Variants in ERI2 observed in about 807,000 individuals in gnomAD.
ERI2 encodes ERI1 exoribonuclease 2.
Under a neutral mutation model 46.8 loss-of-function variants are expected in ERI2, and 35 were observed. The ratio of observed to expected loss-of-function variants is 0.75; its 90% CI spans 0.57 to 0.99. The LOEUF is 0.99. Ranked by LOEUF, ERI2 falls within the 50% of genes least tolerant of loss-of-function variation. The pLI is 0.00. For synonymous variants in ERI2, 224 were observed against 271.0 expected, an observed-to-expected ratio of 0.83 and a Z score of 1.70; for missense variants, 695 against 796.2, an observed-to-expected ratio of 0.87 and a Z score of 1.53.
chr16:20,803,547 A>G, intron 2 of ERI2, 31 bp from the exon 3 acceptor site: 1 of 1,613,956 alleles, frequency 6.2e-7, no homozygotes, highest in Non-Finnish European at 8.5e-7. Flanking sequence ...CTTATGCTTT[A>G]CCAGTGCTGA....
intron 10 of ERI2, among the ~76,000 whole-genome samples, chr16:20,784,059 A>G (rs2080414796): frequency 6.6e-6 from 1 of 152,078 alleles, no homozygotes; most frequent in African/African-American, 2.4e-5. Flanking sequence ...GCCCACCTCT[A>G]ACTCCCAAAG....
intron 10 of ERI2, among the ~76,000 whole-genome samples, chr16:20,789,184 G>A (rs1248261629): frequency 2.0e-5 from 3 of 152,122 alleles, no homozygotes; most frequent in Non-Finnish European, 4.4e-5. Context: ...GCACAGAGGA[G>A]TGTAATGATT....
At chr16:20,785,235 A>C in intron 10 of ERI2, 1 of 1,320,430 alleles carries the variant, frequency 7.6e-7, no homozygotes, top group East Asian at 2.5e-5. Context: ...TGTTTAAAAA[A>C]ACAATGCTTG....
chr16:20,799,313 T>G lies in ERI2; in HGVS notation c.682A>C (p.Lys228Gln), dbSNP rs753647222. ...DSRNTALLAW[K>Q]MIRDGCVMKI... Reference sequence around the variant, plus strand: ...ATTACACAACCATCTCTGATCATTTTCCAAGCAAGAAGGGCAGTATTCCGA... The same window carrying G: ...ATTACACAACCATCTCTGATCATTTGCCAAGCAAGAAGGGCAGTATTCCGA... The change falls in exon 8 of 9, where the codon AAA (lysine) becomes CAA (glutamine). Residue 228 changes from lysine to glutamine, a missense_variant. Physicochemically the swap from Lys to Gln is moderately conservative, Grantham distance 53. Transcript: ENST00000357967. 9.9e-6 allele frequency: 16 copies of G among 1,613,660 alleles called. No homozygotes were observed. Among genetic ancestry groups the G allele is most frequent in the Admixed American group, 1.7e-5 (1 of 59,988 alleles).
intron 3 of ERI2, 150 bp from the exon 4 acceptor site, chr16:20,803,073 G>A: frequency 2.5e-6 from 2 of 789,082 alleles, no homozygotes; most frequent in African/African-American, 3.5e-5. Flanking sequence ...TGACATAAAG[G>A]TTATAATAAA....
At chr16:20,785,212 A>C in intron 10 of ERI2, 1 of 1,462,782 alleles carries the variant, frequency 6.8e-7, no homozygotes, top group Non-Finnish European at 9.3e-7. Context: ...ATAGGAGTTG[A>C]GTGGTTAGAA....
In ERI2 at chr16:20,797,001, A is replaced by T. The variant is rs1444382212; in HGVS notation, c.*723T>A. The T allele has an allele frequency of 1.2e-6, 2 of 1,605,966 alleles. No homozygotes were observed. Among genetic ancestry groups the T allele is most frequent in the Admixed American group, 3.4e-5 (2 of 58,380 alleles). ...TGTTTCATTAATTACCATATCTATA[A>T]AACAAACATAGTATCTGTCAATCTC... On this transcript the variant is annotated 3_prime_UTR_variant, in exon 9 of 9. Transcript: ENST00000357967.
chr16:20,790,901 T>A lies in ERI2; in HGVS notation c.764A>T (p.Asn255Ile), dbSNP rs749288358. ...CTGGTCCCCTGAGGCCAGATCACTG[T>A]TCCAGGTCCACGAAGGCAAGAGGAA... Residue 255 changes from asparagine (N) to isoleucine (I), a missense_variant, in exon 9 of 11, where the codon AAC becomes ATC. Asn to Ile is a moderately radical substitution (Grantham distance 149). Coordinates refer to the ERI2 transcript ENST00000300005. This position sits in a 1 kb window ranked among gnomAD's most constrained non-coding sequence, Gnocchi z 4.0. 1.5e-5 allele frequency: 24 copies of A among 1,613,946 alleles called. No homozygotes were observed. In the South Asian group the frequency reaches 2.6e-4, roughly 18 times the overall value.
At position 20,799,173 on chromosome 16, in the gene ERI2, T is replaced by C. The variant is rs900990853; in HGVS notation, c.732+90A>G. The C allele has an allele frequency of 3.2e-6, 5 of 1,545,310 alleles. No homozygotes were observed. In the East Asian group the frequency reaches 6.8e-5, roughly 21 times the overall value. ...AAGAGAAATGTCATTGATTTATAAA[T>C]GACTGCACACATTAAATCTACGTTT... On this transcript the variant is annotated intron_variant, in intron 8 of 8. Transcript: ENST00000357967.
In ERI2 at chr16:20,781,784, C is replaced by T. The variant is rs199802576; in HGVS notation, c.895-1050G>A. On this transcript the variant is annotated intron_variant, in intron 10 of 10. Transcript: ENST00000300005. ...CGAATGCTTGTACAGAATGATATAA[C>T]CAGGTAAGAAATGTTAGTAAATAGG... 1.9e-6 allele frequency: 3 copies of T among 1,603,808 alleles called. No homozygotes were observed. The Admixed American group carries it at 5.0e-5, about 27-fold the overall frequency.
intron 9 of ERI2, among the ~76,000 whole-genome samples, chr16:20,789,741 C>T (rs1429792845): frequency 3.2e-5 from 4 of 126,684 alleles, no homozygotes; most frequent in African/African-American, 1.2e-4. Context: ...CTGGAGTGAT[C>T]TCGGCTCACT....
chr16:20,801,815 G>C (rs1457529049), intron 4 of ERI2, among the ~76,000 whole-genome samples: 1 of 151,948 alleles, frequency 6.6e-6, no homozygotes, highest in Non-Finnish European at 1.5e-5. Context: ...GTGGAGTGCA[G>C]TGGCATGATC....
chr16:20,788,032 A>C (rs2080511876), intron 10 of ERI2, among the ~76,000 whole-genome samples: 1 of 152,244 alleles, frequency 6.6e-6, no homozygotes, highest in Non-Finnish European at 1.5e-5. Flanking sequence ...CAGAATGCTT[A>C]GTACATAATA....
chr16:20,797,882 C>T lies in ERI2; in HGVS notation c.1918G>A (p.Glu640Lys), dbSNP rs1413136389. 5 of 1,551,556 alleles carry T rather than the reference C, an allele frequency of 3.2e-6. No individual in the cohort carries two copies. The highest frequency in any genetic ancestry group is 4.4e-6 in the Non-Finnish European group (5 of 1,146,912). ...GCTCTTTCCTTTTGAAGTGTTTGTT[C>T]CCATTTGAAATAACCACAACATTTT... is the stretch of plus-strand genomic sequence containing the variant. Reference protein sequence around the residue: ...NRKCCGYFKWEQTLQKERANS... With the variant: ...NRKCCGYFKWKQTLQKERANS... The change falls in exon 9 of 9, where the codon GAA becomes AAA. Residue 640 changes from glutamate (E) to lysine (K), a missense_variant. Coordinates refer to ENST00000357967, the MANE Select transcript of ERI2 (RefSeq NM_001142725.2).
At position 20,797,432 on chromosome 16, in the gene ERI2, C is replaced by G; in HGVS notation, c.*292G>C. The stretch of plus-strand genomic sequence containing the variant: ...ATAATCTCAAAGTACAAGAATCTAC[C>G]TGAAAATAGACTAGGGATTTTTATT... On this transcript the variant is annotated 3_prime_UTR_variant, in exon 9 of 9. Coordinates refer to ENST00000357967, the MANE Select transcript of ERI2 (RefSeq NM_001142725.2). 9.8e-7 allele frequency: 1 copy of G among 1,022,580 alleles called. No homozygotes were observed. Among genetic ancestry groups the G allele is most frequent in the Non-Finnish European group, 1.2e-6 (1 of 850,886 alleles). 63.3% of individuals were successfully genotyped at this position (1,022,580 alleles called of 1,614,324 possible).
At chr16:20,792,413 C>A (rs566551743), downstream of ERI2, 71 of 1,578,056 alleles carry the variant, frequency 4.5e-5, no homozygotes, top group Admixed American at 1.2e-3. Context: ...CTCAGTGAAA[C>A]AGAATTAACC....
intron 10 of ERI2, chr16:20,781,105 G>A (rs1042186936): frequency 9.9e-6 from 16 of 1,613,862 alleles, no homozygotes; most frequent in Non-Finnish European, 1.1e-5. Flanking sequence ...CATTTACCCC[G>A]TTTTGAGCCG....
Position 20,798,943 on chromosome 16 carries a change from AT to A in ERI2, c.856del (p.Ile286Ter), listed in dbSNP as rs1415373101. 3 of 1,550,978 alleles carry A rather than the reference AT, an allele frequency of 1.9e-6. No homozygotes were observed. In the African/African-American group the frequency reaches 4.1e-5, roughly 21 times the overall value. ...TTGAACTTTTTCATGAGGATTTATT[AT>A]ATTTTTAGGCTCCTTATTATATATG... ...PSIYNKEPKN[I>X]INPHEKVQMK... On this transcript the variant is annotated frameshift_variant, in exon 9 of 9. Transcript: ENST00000357967. LOFTEE classifies it low-confidence loss of function (END_TRUNC).
chr16:20,791,972 C>T, downstream of ERI2: 1 of 1,609,870 alleles, frequency 6.2e-7, no homozygotes, highest in Non-Finnish European at 8.5e-7. Flanking sequence ...TTGGATTCAC[C>T]ATAACAACAA....
Sources: allele counts gnomAD v4.1 joint callset (sites outside exome capture counted in the v4.1 genomes callset), GRCh38; gene constraint gnomAD v4.1.1; non-coding constraint Gnocchi (gnomAD v3.1); transcripts MANE v1.5; gene names NCBI Gene and HGNC (gene_info 2026-07-23, HGNC 2026-07-21).